The following LMF1 variants were observed in gnomAD, a reference collection of about 807,000 sequenced individuals.
LMF1 encodes the protein transmembrane protein 112.
Under a neutral mutation model 60.6 loss-of-function variants are expected in LMF1, and 68 were observed. The ratio of observed to expected loss-of-function variants is 1.12; its 90% confidence interval spans 0.92 to 1.37. The LOEUF (loss-of-function observed/expected upper bound fraction) is 1.37. Among genes scored for constraint, LMF1 ranks in the 40% most tolerant of loss-of-function variants. LMF1 has a pLI of 0.00. For synonymous variants in LMF1, 418 were observed against 324.7 expected, an observed-to-expected ratio of 1.29 and a Z score of -3.09; for missense variants, 948 against 767.2, an observed-to-expected ratio of 1.24 and a Z score of -2.78.
At chr16:951,385 T>C (rs1253373839) in intron 2 of LMF1, among the ~76,000 whole-genome samples, 2 of 152,190 alleles carry the variant, frequency 1.3e-5, no homozygotes, top group African/African-American at 4.8e-5. Flanking sequence ...GCCAATGTTC[T>C]GGAAAAGCTG....
In LMF1 at chr16:954,434, G is replaced by C; in HGVS notation, c.426C>G (p.Ile142Met). ...LGLGISSFVL[I>M]TGCANMLLMA... ...TGAGAAGCATGTTGGCGCAGCCCGT[G>C]ATCAGTACGAAAGACGAGATGCCCA... The change falls in exon 2 of 11, where the codon ATC (isoleucine) becomes ATG (methionine). Residue 142 changes from isoleucine (I) to methionine (M), a missense_variant. By Grantham distance (10) the Ile-to-Met change is conservative. Transcript: ENST00000262301. 1 of 1,612,998 alleles carries C rather than the reference G, an allele frequency of 6.2e-7. No individual in the cohort carries two copies. The highest frequency in any genetic ancestry group is 1.1e-5 in the South Asian group (1 of 90,918).
intron 3 of LMF1, among the ~76,000 whole-genome samples, chr16:918,790 G>A (rs1466107577): frequency 2.6e-5 from 4 of 152,208 alleles, no homozygotes; most frequent in Non-Finnish European, 4.4e-5. Flanking sequence ...GTGACCACGC[G>A]GGGCCGACGT....
rs550114094 is a variant in LMF1 at position 910,991 on chromosome 16, G to A, written c.603C>T (p.Pro201=). 1.2e-6 allele frequency: 2 copies of A among 1,613,116 alleles called. No individual in the cohort carries two copies. The highest frequency in any genetic ancestry group is 2.2e-5 in the South Asian group (2 of 91,080). Residue 201 remains proline (P), a synonymous_variant, in exon 4 of 11, where the codon CCC becomes CCT. Coordinates refer to ENST00000262301, the MANE Select transcript of LMF1 (RefSeq NM_022773.4). ...WTLSRLPQHT[P]TSRIVLWGFR... is the part of the protein sequence containing the mutation. ...AGCCCCACAGGACAATCCGGGATGT[G>A]GGGGTATGCTGGGGCAGCCTTGACA...
chr16:940,319 C>T (rs935191853), intron 2 of LMF1, among the ~76,000 whole-genome samples: 1 of 152,140 alleles, frequency 6.6e-6, no homozygotes, highest in African/African-American at 2.4e-5. Context: ...TGCCGCCATG[C>T]ATCTCTCACA....
At chr16:974,205 T>C (rs1445041403), upstream of LMF1, among the ~76,000 whole-genome samples, 1 of 152,214 alleles carries the variant, frequency 6.6e-6, no homozygotes, top group Non-Finnish European at 1.5e-5. Flanking sequence ...TCTTATTCTC[T>C]AAGAAGGCAC....
At chr16:857,776 C>T (rs369622815) in intron 10 of LMF1, among the ~76,000 whole-genome samples, 7 of 2,382 alleles carry the variant, frequency 2.9e-3, no homozygotes, top group Non-Finnish European at 2.6e-3. Context: ...GACGGGTGTG[C>T]GTGGTGTCTC....
chr16:950,222 C>T lies in LMF1; in HGVS notation c.503+4135G>A, dbSNP rs1286045608. Reference sequence around the variant, plus strand: ...CAGCCAATGACAGAGTCAGAGACAGCGACAGAGTTAGAGACAATGACAGAG... The same window carrying T: ...CAGCCAATGACAGAGTCAGAGACAGTGACAGAGTTAGAGACAATGACAGAG... On this transcript the variant is annotated intron_variant, in intron 2 of 10. Transcript: ENST00000262301. Among the ~76,000 whole-genome samples, 3 of 100,708 alleles carry T rather than the reference C, an allele frequency of 3.0e-5. 1 individual carries two copies. Among genetic ancestry groups the T allele is most frequent in the Non-Finnish European group, 5.5e-5 (3 of 54,672 alleles). The allele number at this position is 100,708 out of a possible 152,430, so 66.1% of individuals were successfully genotyped here. A position where few individuals can be genotyped will look rare whatever the true frequency, so the allele number is the denominator to read the frequency against.
intron 7 of LMF1, 127 bp from the exon 8 acceptor site, chr16:871,009 A>T (rs990341395): frequency 1.4e-6 from 2 of 1,407,942 alleles, no homozygotes; most frequent in Non-Finnish European, 1.9e-6. Context: ...CAGCACCCGA[A>T]CTCACACACC....
intron 4 of LMF1, among the ~76,000 whole-genome samples, chr16:908,817 T>G (rs981639659): frequency 6.6e-6 from 1 of 152,208 alleles, no homozygotes; most frequent in African/African-American, 2.4e-5. Context: ...GATGCCCCGG[T>G]GCCCGCCATC....
At chr16:937,324 T>C (rs2071974484) in intron 2 of LMF1, among the ~76,000 whole-genome samples, 2 of 152,228 alleles carry the variant, frequency 1.3e-5, no homozygotes, top group African/African-American at 4.8e-5. Context: ...TTTGTTCTGC[T>C]GTTTTGTTCT....
In LMF1 at chr16:892,995, C is replaced by T. The variant is rs751225707; in HGVS notation, c.729+12G>A. On this transcript the variant is annotated intron_variant, in intron 5 of 10. Transcript: ENST00000262301. ...CCGGGTGCCCTGCCCTCACGCTGCACGGCACGCTCACCTCATAGTGGAAGT... is the reference window on the plus strand; with the variant it reads ...CCGGGTGCCCTGCCCTCACGCTGCATGGCACGCTCACCTCATAGTGGAAGT... 3.1e-5 allele frequency: 48 copies of T among 1,543,980 alleles called. No individual in the cohort carries two copies. Among genetic ancestry groups the T allele is most frequent in the Admixed American group, 3.0e-4 (15 of 50,802 alleles).
intron 1 of LMF1, chr16:976,759 C>T (rs776801482): frequency 4.4e-6 from 2 of 454,142 alleles, no homozygotes; most frequent in South Asian, 1.6e-5. Flanking sequence ...CCCGACACAT[C>T]CGTGATCTGG....
chr16:919,918 C>CAA (rs2071388519), intron 3 of LMF1, among the ~76,000 whole-genome samples: 1 of 152,148 alleles, frequency 6.6e-6, no homozygotes. Context: ...CTCCTGCCCC[C>CAA]GGCACCATCC....
chr16:929,128 C>T (rs769527928), intron 3 of LMF1, among the ~76,000 whole-genome samples: 1 of 152,182 alleles, frequency 6.6e-6, no homozygotes, highest in East Asian at 1.9e-4. Context: ...TGTCCCATCC[C>T]GCGCCTGAAA....
At chr16:904,675 G>A (rs1402967718) in intron 4 of LMF1, among the ~76,000 whole-genome samples, 1 of 32,270 alleles carries the variant, frequency 3.1e-5, no homozygotes, top group East Asian at 9.5e-4. Context: ...CCTCTGCATC[G>A]CCCACAGGAC....
chr16:913,087 G>A (rs1325155837), intron 3 of LMF1, among the ~76,000 whole-genome samples: 4 of 152,184 alleles, frequency 2.6e-5, no homozygotes, highest in African/African-American at 4.8e-5. Flanking sequence ...TGCCTTTCCC[G>A]TTGCGCAGCT....
chr16:954,135 G>T, intron 2 of LMF1: 1 of 674,536 alleles, frequency 1.5e-6, no homozygotes, highest in Non-Finnish European at 2.7e-6. Context: ...TTTAAGTAAG[G>T]AAGAGCTACT....
chr16:977,613 C>T (rs1472078508), intron 1 of LMF1, among the ~76,000 whole-genome samples: 1 of 152,124 alleles, frequency 6.6e-6, no homozygotes, highest in Non-Finnish European at 1.5e-5. Flanking sequence ...CCGGGCCCTC[C>T]CTGTGCTTCT....
intron 3 of LMF1, among the ~76,000 whole-genome samples, chr16:914,057 G>C (rs907975104): frequency 1.3e-5 from 2 of 152,166 alleles, no homozygotes; most frequent in African/African-American, 4.8e-5. Flanking sequence ...TTGTTGATGG[G>C]CCGCGAGGCC....
Sources: gnomAD v4.1 joint callset for allele counts (sites outside exome capture counted in the v4.1 genomes callset) on GRCh38, gnomAD v4.1.1 for gene constraint, MANE v1.5 for transcripts, NCBI Gene and HGNC (gene_info 2026-07-23, HGNC 2026-07-21) for gene names.